PSIP1: variants seen among roughly 807,000 people sequenced by gnomAD.
PSIP1 encodes PC4 and SRSF1 interacting protein 1.
Under a neutral mutation model 74.7 loss-of-function variants are expected in PSIP1, and 19 were observed. That is an observed-to-expected ratio of 0.25 (90% confidence interval 0.18 to 0.37). The LOEUF (loss-of-function observed/expected upper bound fraction) is 0.37. PSIP1 is among the 10% of genes least tolerant of loss of function. PSIP1 has a pLI of 1.00. For synonymous variants in PSIP1, 222 were observed against 195.3 expected, an observed-to-expected ratio of 1.14 and a Z score of -1.14; for missense variants, 601 against 614.3, an observed-to-expected ratio of 0.98 and a Z score of 0.23.
At chr9:15,500,152 C>A (rs10283923) in intron 3 of PSIP1, among the ~76,000 whole-genome samples, 1 of 152,052 alleles carries the variant, frequency 6.6e-6, no homozygotes, top group African/African-American at 2.4e-5. Context: ...CGCACTATTT[C>A]TCATGAACCT....
Position 15,464,483 on chromosome 9 carries a change from C to T in PSIP1, c.*1037G>A, listed in dbSNP as rs976837091. On this transcript the variant is annotated 3_prime_UTR_variant, in exon 16 of 16. Coordinates refer to ENST00000380733, the MANE Select transcript of PSIP1 (RefSeq NM_033222.5). ...TTTTACCCTGGATTTAGTCCATACACGTCAATGTACAGACTTATCAAAGTA... is the reference window on the plus strand; with the variant it reads ...TTTTACCCTGGATTTAGTCCATACATGTCAATGTACAGACTTATCAAAGTA... The T allele has an allele frequency of 5.5e-5, 11 of 200,440 alleles. No individual in the cohort carries two copies. Among genetic ancestry groups the T allele is most frequent in the Middle Eastern group, 1.6e-3 (1 of 624 alleles). The allele number at this position is 200,440 out of a possible 1,614,324, so 12.4% of individuals were successfully genotyped here.
intron 3 of PSIP1, 193 bp downstream of exon 3, chr9:15,506,368 T>G (rs766699783): frequency 3.5e-5 from 15 of 427,060 alleles, no homozygotes; most frequent in Middle Eastern, 4.8e-4. Context: ...TAAGGAAATA[T>G]CAATTCCAGT....
Position 15,465,433 on chromosome 9 carries a change from A to AGACTGC in PSIP1, c.*86_*87insGCAGTC, listed in dbSNP as rs2035550897. The AGACTGC allele has an allele frequency of 8.3e-7, 1 of 1,210,096 alleles. No homozygotes were observed. The highest frequency in any genetic ancestry group is 1.6e-5 in the African/African-American group (1 of 64,204). The allele number at this position is 1,210,096 out of a possible 1,614,324, so 75.0% of individuals were successfully genotyped here. ...AGTTTTCAACATCAAACCTATGCTT[A>AGACTGC]TAAAAATTTAAAACTTTCAGCAGTC... On this transcript the variant is annotated 3_prime_UTR_variant, in exon 16 of 16. Coordinates refer to ENST00000380733, the MANE Select transcript of PSIP1 (RefSeq NM_033222.5).
chr9:15,465,283 T>G lies in PSIP1; in HGVS notation c.*237A>C. 1 of 439,928 alleles carries G rather than the reference T, an allele frequency of 2.3e-6. No homozygotes were observed. The highest frequency in any genetic ancestry group is 4.0e-6 in the Non-Finnish European group (1 of 252,110). 27.3% of individuals were successfully genotyped at this position (439,928 alleles called of 1,614,324 possible). A position where few individuals can be genotyped will look rare whatever the true frequency, so the allele number is the denominator to read the frequency against. ...CTACAACCATGTCTGGAAAAGCAGTTTAACATTTTCTAAATGGATTTTATC... is the reference window on the plus strand; with the variant it reads ...CTACAACCATGTCTGGAAAAGCAGTGTAACATTTTCTAAATGGATTTTATC... On this transcript the variant is annotated 3_prime_UTR_variant, in exon 16 of 16. Transcript: ENST00000380733.
chr9:15,495,360 G>T (rs1322595962), intron 3 of PSIP1, among the ~76,000 whole-genome samples: 1 of 151,966 alleles, frequency 6.6e-6, no homozygotes, highest in Non-Finnish European at 1.5e-5. Context: ...TCTTAAAAAG[G>T]ACCATGCAAG....
rs184976141 is a variant in PSIP1 at position 15,482,631 on chromosome 9, T to A, written c.457-2944A>T. Among the ~76,000 whole-genome samples, 3 of 152,338 alleles carry A rather than the reference T, an allele frequency of 2.0e-5. No individual in the cohort carries two copies. The East Asian group carries it at 5.8e-4, about 29-fold the overall frequency. On this transcript the variant is annotated intron_variant, in intron 6 of 15. Coordinates refer to ENST00000380733, the MANE Select transcript of PSIP1 (RefSeq NM_033222.5). ...CCCCTCCATTCTCTCATCCAACATG[T>A]ATTTACATAAAATAATTTATACTGA...
At chr9:15,469,825 A>G (rs1409331083) in intron 11 of PSIP1, 113 bp downstream of exon 11, 12 of 855,330 alleles carry the variant, frequency 1.4e-5, no homozygotes, top group Non-Finnish European at 1.8e-5. Flanking sequence ...GAAAAATTCT[A>G]TTTGTAGGAT....
At chr9:15,471,086 G>C (rs778739900) in intron 10 of PSIP1, 1 of 1,533,326 alleles carries the variant, frequency 6.5e-7, no homozygotes, top group Non-Finnish European at 8.7e-7. Context: ...TCAATGGGGG[G>C]AAGGGGGAAA....
At chr9:15,482,064 CTCT>C (rs1306596136) in intron 6 of PSIP1, among the ~76,000 whole-genome samples, 1 of 152,014 alleles carries the variant, frequency 6.6e-6, no homozygotes, top group African/African-American at 2.4e-5. Flanking sequence ...CCCTCATTTT[CTCT>C]TCATTTTTTA....
chr9:15,475,792 T>A lies in PSIP1; in HGVS notation c.630-1555A>T, dbSNP rs181662725. Among the ~76,000 whole-genome samples the A allele has an allele frequency of 5.9e-5, 9 of 152,330 alleles. No individual in the cohort carries two copies. The East Asian group carries it at 1.7e-3, about 29-fold the overall frequency. ...CTACCAATGAGTCTTTTCCCAGTGGTTCTTCCATGAAATACAGACTTGTGA... is the reference window on the plus strand; with the variant it reads ...CTACCAATGAGTCTTTTCCCAGTGGATCTTCCATGAAATACAGACTTGTGA... On this transcript the variant is annotated intron_variant, in intron 8 of 15. Transcript: ENST00000380733.
chr9:15,488,447 G>A (rs552284104), intron 4 of PSIP1, among the ~76,000 whole-genome samples: 2 of 152,240 alleles, frequency 1.3e-5, no homozygotes, highest in Admixed American at 6.5e-5. Flanking sequence ...CTTAAACAGA[G>A]GACGTTTATT....
At chr9:15,487,292 C>A (rs2036596815) in intron 4 of PSIP1, among the ~76,000 whole-genome samples, 2 of 151,864 alleles carry the variant, frequency 1.3e-5, no homozygotes, top group East Asian at 1.9e-4. Context: ...GACAAATGAT[C>A]CAAGAGAAAT....
Position 15,474,369 on chromosome 9 carries a change from A to T in PSIP1, c.630-132T>A, listed in dbSNP as rs549356729. The T allele has an allele frequency of 3.9e-4, 272 of 697,388 alleles. 3 individuals carry two copies. In the East Asian group the frequency reaches 7.8e-3, roughly 20 times the overall value. 43.2% of individuals were successfully genotyped at this position (697,388 alleles called of 1,614,324 possible). A position where few individuals can be genotyped will look rare whatever the true frequency, so the allele number is the denominator to read the frequency against. Reference sequence around the variant, plus strand: ...AAAAGAGTGTCTTCACTATCCAATCATAAAAGGAATTCTGTCACAGAACAT... The same window carrying T: ...AAAAGAGTGTCTTCACTATCCAATCTTAAAAGGAATTCTGTCACAGAACAT... On this transcript the variant is annotated intron_variant, in intron 8 of 15. Coordinates refer to ENST00000380733, the MANE Select transcript of PSIP1 (RefSeq NM_033222.5).
intron 10 of PSIP1, chr9:15,471,387 T>G: frequency 6.6e-7 from 1 of 1,524,826 alleles, no homozygotes; most frequent in South Asian, 1.2e-5. Flanking sequence ...AAAGTTACAT[T>G]GGAGGACATT....
At chr9:15,467,816 C>G (rs1011880693) in intron 14 of PSIP1, among the ~76,000 whole-genome samples, 4 of 152,180 alleles carry the variant, frequency 2.6e-5, no homozygotes, top group African/African-American at 9.7e-5. Flanking sequence ...TGCTACACAT[C>G]TAAGTGCTTT....
At chr9:15,479,217 G>C (rs774183830) in intron 7 of PSIP1, among the ~76,000 whole-genome samples, 3 of 151,992 alleles carry the variant, frequency 2.0e-5, no homozygotes, top group Non-Finnish European at 2.9e-5. Flanking sequence ...TATCAATAAA[G>C]AACGCACAAA....
intron 10 of PSIP1, chr9:15,471,750 G>C: frequency 2.1e-6 from 2 of 961,570 alleles, no homozygotes; most frequent in Non-Finnish European, 2.5e-6. Context: ...TTTGGCTTAC[G>C]GATATATTAT....
intron 3 of PSIP1, among the ~76,000 whole-genome samples, chr9:15,494,660 A>G (rs550203294): frequency 1.6e-4 from 24 of 152,122 alleles, no homozygotes; most frequent in Non-Finnish European, 3.2e-4. Flanking sequence ...AAATTCTGTA[A>G]CATTCATTGT....
intron 12 of PSIP1, 71 bp from the exon 13 acceptor site, chr9:15,469,129 G>A (rs1386015384): frequency 4.8e-6 from 7 of 1,460,374 alleles, no homozygotes; most frequent in South Asian, 3.7e-5. Flanking sequence ...TCTAAAGATC[G>A]TTTCCAAAAA....
Sources: allele counts gnomAD v4.1 joint callset (sites outside exome capture counted in the v4.1 genomes callset), GRCh38; gene constraint gnomAD v4.1.1; transcripts MANE v1.5; gene names NCBI Gene and HGNC (gene_info 2026-07-23, HGNC 2026-07-21).